NSDHL: variants seen among roughly 807,000 people sequenced by gnomAD.
NSDHL encodes NAD(P) dependent 3-beta-hydroxysteroid dehydrogenase NSDHL.
NSDHL carries 1 observed loss-of-function variant against 23.0 expected under a neutral mutation model. The ratio of observed to expected loss-of-function variants is 0.04; its 90% CI spans 0.02 to 0.21. NSDHL has a LOEUF of 0.21. Ranked by LOEUF, NSDHL falls within the 10% of genes least tolerant of loss-of-function variation. The pLI is 1.00. For missense variants in NSDHL, 237 were observed against 300.9 expected, an observed-to-expected ratio of 0.79 and a Z score of 1.57; for synonymous variants, 128 against 121.1, an observed-to-expected ratio of 1.06 and a Z score of -0.37.
chrX:152,862,799 G>A, intron 5 of NSDHL, 75 bp downstream of exon 5: 1 of 1,041,354 alleles, frequency 9.6e-7, no homozygotes, highest in East Asian at 3.0e-5. Context: ...ATGAACTTAT[G>A]AAGTTTGTAT....
At chrX:152,843,810 A>G (rs1556845181) in intron 1 of NSDHL, among the ~76,000 whole-genome samples, 3 of 112,518 alleles carry the variant, frequency 2.7e-5, no homozygotes, top group African/African-American at 9.7e-5. Flanking sequence ...CTTTCCACCC[A>G]AGTTTGCTTG....
chrX:152,832,268 C>A (rs1933026293), intron 1 of NSDHL, among the ~76,000 whole-genome samples: 1 of 111,907 alleles, frequency 8.9e-6, no homozygotes, highest in South Asian at 3.7e-4. Flanking sequence ...TTTTTTCCAA[C>A]AGTTCTTATC....
At chrX:152,864,756 G>A (rs1344518315) in intron 5 of NSDHL, among the ~76,000 whole-genome samples, 1 of 111,814 alleles carries the variant, frequency 8.9e-6, no homozygotes, top group Non-Finnish European at 1.9e-5. Context: ...CCATTTGAGG[G>A]TTTATTTAGT....
intron 1 of NSDHL, among the ~76,000 whole-genome samples, chrX:152,836,420 G>T (rs1260749430): frequency 8.9e-6 from 1 of 111,794 alleles, no homozygotes. Context: ...TTCTTCTAGG[G>T]TTTTTATGGT....
chrX:152,837,731 C>T (rs1263507442), intron 1 of NSDHL, among the ~76,000 whole-genome samples: 2 of 111,958 alleles, frequency 1.8e-5, no homozygotes, highest in African/African-American at 6.5e-5. Context: ...CATCGATGTT[C>T]ATCAGGGATA....
intron 1 of NSDHL, among the ~76,000 whole-genome samples, chrX:152,832,497 G>A (rs1294305583): frequency 2.7e-5 from 3 of 111,545 alleles, no homozygotes; most frequent in East Asian, 2.8e-4. Flanking sequence ...GTTAATCTTC[G>A]TAGTGAACGG....
chrX:152,860,568 C>T (rs1476258941), intron 4 of NSDHL, among the ~76,000 whole-genome samples: 1 of 111,101 alleles, frequency 9.0e-6, no homozygotes, highest in Non-Finnish European at 1.9e-5. Context: ...TTTTTAAAAG[C>T]CAGGTGTGGT....
intron 5 of NSDHL, among the ~76,000 whole-genome samples, chrX:152,864,067 A>G (rs1933569483): frequency 9.0e-6 from 1 of 111,529 alleles, no homozygotes; most frequent in Non-Finnish European, 1.9e-5. Context: ...GCGTGCCACC[A>G]TGCCCGGCTA....
In NSDHL at chrX:152,869,329, A is replaced by G. The variant is rs1193095110; in HGVS notation, c.*213A>G. ...GAACTGGATTTGGATTTCTTGAAGCAGGCAGCTTCATATTATACCGATTTG... is the reference window on the plus strand; with the variant it reads ...GAACTGGATTTGGATTTCTTGAAGCGGGCAGCTTCATATTATACCGATTTG... On this transcript the variant is annotated 3_prime_UTR_variant, in exon 8 of 8. Transcript: ENST00000370274. The G allele has an allele frequency of 6.5e-6, 3 of 461,373 alleles. No homozygotes were observed. The highest frequency in any genetic ancestry group is 7.8e-6 in the Non-Finnish European group (2 of 257,966). The allele number at this position is 461,373 out of a possible 1,213,427, so 38.0% of individuals were successfully genotyped here. A position where few individuals can be genotyped will look rare whatever the true frequency, so the allele number is the denominator to read the frequency against.
At chrX:152,833,440 C>T (rs1556843648) in intron 1 of NSDHL, among the ~76,000 whole-genome samples, 1 of 109,228 alleles carries the variant, frequency 9.2e-6, no homozygotes, top group African/African-American at 3.4e-5. Context: ...GCAACACTCA[C>T]TCCTGCTTCC....
intron 6 of NSDHL, among the ~76,000 whole-genome samples, chrX:152,867,081 A>G (rs1377952172): frequency 1.8e-5 from 2 of 111,162 alleles, no homozygotes; most frequent in Non-Finnish European, 3.8e-5. Context: ...CTCTCTCCCA[A>G]ATAGGCTTTC....
At chrX:152,836,862 T>G (rs904323062) in intron 1 of NSDHL, among the ~76,000 whole-genome samples, 108 of 112,122 alleles carry the variant, frequency 9.6e-4, no homozygotes, top group African/African-American at 3.2e-3. Context: ...AGCTTGATGG[T>G]GATGGCATTG....
chrX:152,851,311 C>T (rs1933353092), intron 3 of NSDHL, among the ~76,000 whole-genome samples: 1 of 111,811 alleles, frequency 8.9e-6, no homozygotes, highest in Non-Finnish European at 1.9e-5. Context: ...AGTAACCAGC[C>T]ACTCTGCCAC....
intron 1 of NSDHL, among the ~76,000 whole-genome samples, chrX:152,836,399 T>A (rs1416239048): frequency 8.9e-6 from 1 of 112,117 alleles, no homozygotes; most frequent in Non-Finnish European, 1.9e-5. Flanking sequence ...CTGAATGGTA[T>A]TGCCTAGGTT....
At chrX:152,836,017 CATT>C (rs1277133212) in intron 1 of NSDHL, among the ~76,000 whole-genome samples, 1 of 112,292 alleles carries the variant, frequency 8.9e-6, no homozygotes, top group Non-Finnish European at 1.9e-5. Flanking sequence ...GATGGTATCT[CATT>C]GTGGTTTTGA....
rs1556847257 is a variant in NSDHL at position 152,858,923 on chromosome X, G to A, written c.414+7G>A. On this transcript the variant is annotated splice_region_variant and intron_variant, in intron 4 of 7. Coordinates refer to ENST00000370274, the MANE Select transcript of NSDHL (RefSeq NM_015922.3). ...CAAAGAGGCTGGGGTTCAGGTAAGG[G>A]GAAGGCTGGAGTGAGTGCTGTCAGG... 8.3e-7 allele frequency: 1 copy of A among 1,202,659 alleles called. No individual in the cohort carries two copies.
chrX:152,836,440 A>T (rs1314692627), intron 1 of NSDHL, among the ~76,000 whole-genome samples: 4 of 111,833 alleles, frequency 3.6e-5, no homozygotes, highest in South Asian at 3.7e-4. Context: ...TTTTAGGTCT[A>T]ACATTTAAGT....
chrX:152,851,780 A>C (rs1211428277), intron 3 of NSDHL, among the ~76,000 whole-genome samples: 2 of 110,183 alleles, frequency 1.8e-5, no homozygotes, highest in East Asian at 5.7e-4. Flanking sequence ...CAGTGACTCC[A>C]CATCATTTCT....
At chrX:152,839,247 T>G (rs1189531625) in intron 1 of NSDHL, among the ~76,000 whole-genome samples, 1 of 112,418 alleles carries the variant, frequency 8.9e-6, no homozygotes, top group Non-Finnish European at 1.9e-5. Flanking sequence ...CTTGACTCTT[T>G]ATCCAATTTG....
Sources: gnomAD v4.1 joint callset for allele counts (sites outside exome capture counted in the v4.1 genomes callset) on GRCh38, gnomAD v4.1.1 for gene constraint, MANE v1.5 for transcripts, NCBI Gene and HGNC (gene_info 2026-07-23, HGNC 2026-07-21) for gene names.